DPYD: variants seen among roughly 807,000 people sequenced by gnomAD.
DPYD encodes the protein dihydropyrimidine dehydrogenase [NADP(+)].
Under a neutral mutation model 116.2 loss-of-function variants are expected in DPYD, and 109 were observed. That is an observed-to-expected ratio of 0.94 (90% CI 0.80 to 1.10). DPYD has a LOEUF of 1.10. Among genes scored for constraint, DPYD ranks in the 50% least tolerant of loss-of-function variants. The pLI is 0.00. For synonymous variants in DPYD, 440 were observed against 432.0 expected (o/e 1.02, Z -0.23); for missense variants, 1,302 against 1,254.5 (o/e 1.04, Z -0.57).
intron 13 of DPYD, among the ~76,000 whole-genome samples, chr1:97,480,189 C>T (rs1245005554): frequency 2.6e-5 from 4 of 152,044 alleles, no homozygotes; most frequent in African/African-American, 9.7e-5. Flanking sequence ...TACTATACAT[C>T]CCTTTTGAAC....
intron 20 of DPYD, among the ~76,000 whole-genome samples, chr1:97,185,956 A>G (rs546690950): frequency 2.0e-5 from 3 of 152,290 alleles, no homozygotes; most frequent in African/African-American, 7.2e-5. Context: ...AGACCTCTGT[A>G]TTTTTCCTCC....
At chr1:97,890,268 A>G (rs1045572371) in intron 1 of DPYD, among the ~76,000 whole-genome samples, 13 of 151,996 alleles carry the variant, frequency 8.6e-5, no homozygotes, top group Admixed American at 7.9e-4. Context: ...TGTGAACTGT[A>G]TATCAATAAA....
At chr1:97,783,777 G>A (rs377704794) in intron 3 of DPYD, among the ~76,000 whole-genome samples, 7 of 152,268 alleles carry the variant, frequency 4.6e-5, no homozygotes, top group Middle Eastern at 3.4e-3. Flanking sequence ...TTGCAGATTC[G>A]GAAGACAACT....
chr1:97,195,628 G>A (rs1407908450), intron 19 of DPYD, among the ~76,000 whole-genome samples: 10 of 57,088 alleles, frequency 1.8e-4, no homozygotes, highest in African/African-American at 2.9e-4. Context: ...ATGTGTATAT[G>A]TATGTGTATA....
intron 14 of DPYD, among the ~76,000 whole-genome samples, chr1:97,405,535 A>T (rs973850451): frequency 1.3e-5 from 2 of 151,666 alleles, no homozygotes; most frequent in African/African-American, 2.4e-5. Flanking sequence ...TGTTTTTTTG[A>T]GACAGAGTCT....
chr1:97,389,679 T>G lies in DPYD; in HGVS notation c.1906-7218A>C, dbSNP rs371632623. Among the ~76,000 whole-genome samples the G allele has an allele frequency of 5.7e-4, 87 of 152,174 alleles. No homozygotes were observed. In the East Asian group the frequency reaches 5.8e-3, roughly 10 times the overall value. ...GTATTTAATAGTTTTGACTTTCATT[T>G]TGACTAATTAATACAACTTAAGAAA... On this transcript the variant is annotated intron_variant, in intron 14 of 22. Coordinates refer to ENST00000370192, the MANE Select transcript of DPYD (RefSeq NM_000110.4).
chr1:97,312,813 C>T (rs191636576), intron 16 of DPYD, among the ~76,000 whole-genome samples: 10 of 151,786 alleles, frequency 6.6e-5, no homozygotes, highest in African/African-American at 2.4e-4. Context: ...AGACATTTGC[C>T]AAAACACATC....
chr1:97,174,813 A>T (rs1395779470), intron 20 of DPYD, among the ~76,000 whole-genome samples: 1 of 152,200 alleles, frequency 6.6e-6, no homozygotes, highest in Non-Finnish European at 1.5e-5. Flanking sequence ...ACACATTTTA[A>T]GTATACAGTT....
chr1:97,485,897 G>C (rs1678605615), intron 13 of DPYD, among the ~76,000 whole-genome samples: 1 of 152,080 alleles, frequency 6.6e-6, no homozygotes, highest in African/African-American at 2.4e-5. Flanking sequence ...TTGTCATTGT[G>C]AGTTTGCATA....
At chr1:97,701,316 A>T (rs1488967466) in intron 5 of DPYD, among the ~76,000 whole-genome samples, 1 of 151,128 alleles carries the variant, frequency 6.6e-6, no homozygotes, top group East Asian at 1.9e-4. Flanking sequence ...TTTCAACAAG[A>T]TTTTAAAATA....
At chr1:97,572,976 G>C (rs1557808220) in intron 11 of DPYD, among the ~76,000 whole-genome samples, 1 of 151,950 alleles carries the variant, frequency 6.6e-6, no homozygotes, top group African/African-American at 2.4e-5. Flanking sequence ...TGTTCTTAAT[G>C]AATCTCTGAC....
chr1:97,664,543 A>ATG (rs1235145806), intron 8 of DPYD, among the ~76,000 whole-genome samples: 1 of 152,036 alleles, frequency 6.6e-6, no homozygotes, highest in Non-Finnish European at 1.5e-5. Context: ...TAATATATAT[A>ATG]TAACTATACA....
At chr1:97,708,513 ATT>A (rs1331520990) in intron 5 of DPYD, among the ~76,000 whole-genome samples, 1 of 152,004 alleles carries the variant, frequency 6.6e-6, no homozygotes, top group African/African-American at 2.4e-5. Context: ...TCTATTGTCT[ATT>A]ATTTTAACAA....
intron 18 of DPYD, among the ~76,000 whole-genome samples, chr1:97,281,641 A>T (rs1665331021): frequency 6.6e-6 from 1 of 152,072 alleles, no homozygotes; most frequent in African/African-American, 2.4e-5. Context: ...AATGCTTAGA[A>T]TATCTCAGGA....
At chr1:97,347,796 CTTCA>C (rs1558045906) in intron 16 of DPYD, among the ~76,000 whole-genome samples, 1 of 152,036 alleles carries the variant, frequency 6.6e-6, no homozygotes, top group African/African-American at 2.4e-5. Context: ...CTCACACAGT[CTTCA>C]TTTTTTGTAG....
chr1:97,458,271 A>C (rs1202609006), intron 13 of DPYD, among the ~76,000 whole-genome samples: 1 of 152,196 alleles, frequency 6.6e-6, no homozygotes, highest in Non-Finnish European at 1.5e-5. Context: ...AGTCGACTGC[A>C]AATGAAATGA....
At chr1:97,649,185 T>A (rs1658439704) in intron 8 of DPYD, among the ~76,000 whole-genome samples, 1 of 152,066 alleles carries the variant, frequency 6.6e-6, no homozygotes, top group Non-Finnish European at 1.5e-5. Context: ...GAAGCAATTT[T>A]TAGTCTTTAA....
At chr1:97,587,692 T>C (rs536504260) in intron 10 of DPYD, among the ~76,000 whole-genome samples, 2 of 151,286 alleles carry the variant, frequency 1.3e-5, no homozygotes, top group East Asian at 3.9e-4. Flanking sequence ...ACGGGCATGG[T>C]GGTGGGCGCC....
rs1663796054 is a variant in DPYD, at chr1:97,260,356, GAA to G, written c.2300-25364_2300-25363del. ...AGATTTCTGTATCTTTTTTGGTAATGAAACTTATATGATAGTATTCTGTACTA... is the reference window on the plus strand; with the variant it reads ...AGATTTCTGTATCTTTTTTGGTAATGACTTATATGATAGTATTCTGTACTA... On this transcript the variant is annotated intron_variant, in intron 18 of 22. Coordinates refer to ENST00000370192, the MANE Select transcript of DPYD (RefSeq NM_000110.4). Among the ~76,000 whole-genome samples, 3 of 151,864 alleles carry G rather than the reference GAA, an allele frequency of 2.0e-5. No homozygotes were observed. The South Asian group carries it at 6.2e-4, about 31-fold the overall frequency.
Sources: gnomAD v4.1 joint callset for allele counts (sites outside exome capture counted in the v4.1 genomes callset) on GRCh38, gnomAD v4.1.1 for gene constraint, MANE v1.5 for transcripts, NCBI Gene and HGNC (gene_info 2026-07-23, HGNC 2026-07-21) for gene names.